TCF12: variants seen among roughly 807,000 people sequenced by gnomAD.
TCF12 encodes transcription factor 12.
TCF12 carries 45 observed loss-of-function variants against 86.0 expected under a neutral mutation model. That is an observed-to-expected ratio of 0.52 (90% confidence interval 0.41 to 0.67). TCF12 has a LOEUF of 0.67. TCF12 is among the 30% of genes least tolerant of loss of function. TCF12 has a pLI of 0.00. For synonymous variants in TCF12, 330 were observed against 299.6 expected (o/e 1.10, Z -1.05); for missense variants, 881 against 859.9 (o/e 1.02, Z -0.31).
At chr15:57,232,479 G>C in intron 10 of TCF12, 49 bp downstream of exon 10, 1 of 1,536,658 alleles carries the variant, frequency 6.5e-7, no homozygotes, top group Non-Finnish European at 8.7e-7. Context: ...GTCCTCACTT[G>C]TGTTTCTTTT....
intron 3 of TCF12, among the ~76,000 whole-genome samples, chr15:56,956,152 T>G (rs1173539584): frequency 6.6e-6 from 1 of 152,002 alleles, no homozygotes; most frequent in Non-Finnish European, 1.5e-5. Context: ...AGCATATAAT[T>G]GGGTTCTGCG....
At chr15:57,063,714 T>C in intron 3 of TCF12, 36 bp from the exon 4 acceptor site, 1 of 1,562,346 alleles carries the variant, frequency 6.4e-7, no homozygotes, top group Non-Finnish European at 8.8e-7. Context: ...CAAAAGTATG[T>C]TTTTAGATAT....
intron 3 of TCF12, among the ~76,000 whole-genome samples, chr15:57,050,321 G>A (rs745875342): frequency 6.6e-6 from 1 of 151,976 alleles, no homozygotes; most frequent in Non-Finnish European, 1.5e-5. Flanking sequence ...ACTCTATTTA[G>A]TATTTCTTGT....
chr15:57,254,474 T>C (rs2060255123), intron 16 of TCF12, among the ~76,000 whole-genome samples: 2 of 152,170 alleles, frequency 1.3e-5, no homozygotes, highest in African/African-American at 2.4e-5. Context: ...GTTTTTTTAA[T>C]GTCAGGAAAT....
intron 8 of TCF12, among the ~76,000 whole-genome samples, chr15:57,205,163 A>G (rs912211636): frequency 1.1e-4 from 17 of 152,020 alleles, no homozygotes; most frequent in Non-Finnish European, 1.8e-4. Context: ...GAAATACAAA[A>G]ATTAGCTGGC....
At chr15:57,041,171 G>T (rs1272444606) in intron 3 of TCF12, among the ~76,000 whole-genome samples, 3 of 152,120 alleles carry the variant, frequency 2.0e-5, no homozygotes, top group Non-Finnish European at 4.4e-5. Flanking sequence ...GCAGTACTTT[G>T]GAAGACAGAC....
intron 3 of TCF12, among the ~76,000 whole-genome samples, chr15:57,025,225 G>A (rs369982669): frequency 7.9e-5 from 12 of 151,956 alleles, no homozygotes; most frequent in African/African-American, 2.4e-4. Flanking sequence ...GACTACAGGC[G>A]CCTGCTACCA....
intron 6 of TCF12, among the ~76,000 whole-genome samples, chr15:57,174,254 T>C (rs2615248): frequency 0.012 from 1,899 of 152,306 alleles, 42 homozygotes; most frequent in African/African-American, 0.044. Flanking sequence ...GAAAGTTTGG[T>C]TTAAGATTTG....
At chr15:56,981,780 C>A (rs1009340763) in intron 3 of TCF12, among the ~76,000 whole-genome samples, 1 of 152,042 alleles carries the variant, frequency 6.6e-6, no homozygotes, top group Non-Finnish European at 1.5e-5. Context: ...TGTATTCTTA[C>A]AATAAAATAA....
At position 57,232,828 on chromosome 15, in the gene TCF12, T is replaced by C; in HGVS notation, c.942T>C (p.Pro314=). ...CTTACGTTGCTGCCTCACACACTCC[T>C]CCCATCAATGGATCAGACAGCATTC... The part of the protein sequence containing the change: ...SSPYVAASHT[P]PINGSDSILG... The change falls in exon 11 of 21, where the codon CCT becomes CCC. Residue 314 remains proline, a synonymous_variant. Transcript: ENST00000333725. 1.9e-6 allele frequency: 3 copies of C among 1,607,002 alleles called. No individual in the cohort carries two copies. Among genetic ancestry groups the C allele is most frequent in the Non-Finnish European group, 2.5e-6 (3 of 1,176,646 alleles).
intron 3 of TCF12, among the ~76,000 whole-genome samples, chr15:57,004,038 T>C (rs1473395667): frequency 3.9e-5 from 6 of 152,140 alleles, no homozygotes; most frequent in Non-Finnish European, 8.8e-5. Flanking sequence ...TGAAGAAAAT[T>C]GGTTTTTGTT....
intron 8 of TCF12, among the ~76,000 whole-genome samples, chr15:57,216,556 G>A (rs192702709): frequency 9.2e-4 from 103 of 111,880 alleles, no homozygotes; most frequent in African/African-American, 3.4e-3. Flanking sequence ...CCCTTGACAT[G>A]TTCCTTTAAA....
chr15:57,221,545 G>A (rs569811993), intron 8 of TCF12, among the ~76,000 whole-genome samples: 50 of 151,974 alleles, frequency 3.3e-4, no homozygotes, highest in African/African-American at 1.1e-3. Context: ...TTGGGAGGGG[G>A]GTAGGGGGAG....
At chr15:57,243,410 C>T (rs1597578946) in intron 12 of TCF12, 62 bp from the exon 13 acceptor site, 20 of 1,397,424 alleles carry the variant, frequency 1.4e-5, no homozygotes, top group African/African-American at 4.3e-5. Flanking sequence ...TCCATGTGAA[C>T]GGATTTGTGT....
chr15:57,007,790 CTCTCTT>C (rs2064498218), intron 3 of TCF12, among the ~76,000 whole-genome samples: 1,116 of 22,944 alleles, frequency 0.049, 23 homozygotes, highest in African/African-American at 0.099. Flanking sequence ...TTCTTTCTTT[CTCTCTT>C]TCTTTCTTTC....
At chr15:57,158,438 C>CA (rs547851228) in intron 5 of TCF12, among the ~76,000 whole-genome samples, 61 of 152,186 alleles carry the variant, frequency 4.0e-4, no homozygotes, top group African/African-American at 1.4e-3. Flanking sequence ...CTCAGCCTCT[C>CA]AAAGTGCTGG....
Position 56,999,015 on chromosome 15 carries a change from G to A in TCF12, c.149-64735G>A, listed in dbSNP as rs1295536017. Among the ~76,000 whole-genome samples, 6 of 152,176 alleles carry A rather than the reference G, an allele frequency of 3.9e-5. No homozygotes were observed. In the East Asian group the frequency reaches 9.7e-4, roughly 25 times the overall value. ...AGATCGAGACCATCCTGGTTAACGT[G>A]GTGAAACCCCATCTCTACTAAATAT... On this transcript the variant is annotated intron_variant, in intron 3 of 20. Transcript: ENST00000333725.
intron 5 of TCF12, among the ~76,000 whole-genome samples, chr15:57,166,180 G>A (rs2054878750): frequency 6.6e-6 from 1 of 152,168 alleles, no homozygotes; most frequent in African/African-American, 2.4e-5. Context: ...GCCTCCCAAA[G>A]TGCTGAGATT....
At chr15:57,203,646 TG>T (rs2151775624) in intron 8 of TCF12, among the ~76,000 whole-genome samples, 1 of 152,364 alleles carries the variant, frequency 6.6e-6, no homozygotes, top group African/African-American at 2.4e-5. Context: ...ATGACATGAT[TG>T]TTTCTTAATC....
Sources: allele counts gnomAD v4.1 joint callset (sites outside exome capture counted in the v4.1 genomes callset), GRCh38; gene constraint gnomAD v4.1.1; transcripts MANE v1.5; gene names NCBI Gene and HGNC (gene_info 2026-07-23, HGNC 2026-07-21).